Variants in RANBP2 observed in about 807,000 individuals in gnomAD.
The protein encoded by RANBP2 is E3 SUMO-protein ligase RanBP2.
In RANBP2, 57 loss-of-function variants were observed where a neutral mutation model predicts 303.6. That is an observed-to-expected ratio of 0.19 (90% confidence interval 0.15 to 0.23). The LOEUF (loss-of-function observed/expected upper bound fraction) is 0.23. Among genes scored for constraint, RANBP2 ranks in the 10% least tolerant of loss-of-function variants. RANBP2 has a pLI of 1.00. For synonymous variants in RANBP2, 1,167 were observed against 1,301.5 expected, an observed-to-expected ratio of 0.90 and a Z score of 2.23; for missense variants, 3,138 against 3,780.8, an observed-to-expected ratio of 0.83 and a Z score of 4.46.
At chr2:108,774,111 A>G (rs546720853) in intron 23 of RANBP2, among the ~76,000 whole-genome samples, 1 of 152,314 alleles carries the variant, frequency 6.6e-6, no homozygotes, top group South Asian at 2.1e-4. Flanking sequence ...ATTTTTATTA[A>G]ATCTGTGAAT....
chr2:109,610,959 T>A, the RANBP2 span, among the ~76,000 whole-genome samples: 1 of 152,166 alleles, frequency 6.6e-6, no homozygotes, highest in Admixed American at 6.5e-5. Context: ...TCTACCTTAT[T>A]TCAGACTTAC....
At chr2:109,564,050 A>G in the RANBP2 span, among the ~76,000 whole-genome samples, 5 of 152,226 alleles carry the variant, frequency 3.3e-5, no homozygotes, top group Non-Finnish European at 7.3e-5. Flanking sequence ...GATAAATACA[A>G]AAAGAAATCA....
the RANBP2 span, among the ~76,000 whole-genome samples, chr2:109,454,342 C>T: frequency 3.9e-4 from 60 of 152,280 alleles, no homozygotes; most frequent in African/African-American, 1.4e-3. Flanking sequence ...TGGGGTGACC[C>T]GAACCTTCAC....
chr2:109,358,177 T>C, the RANBP2 span, among the ~76,000 whole-genome samples: 1 of 152,246 alleles, frequency 6.6e-6, no homozygotes, highest in African/African-American at 2.4e-5. Context: ...TTGCCTTCAC[T>C]TAGCAATTTG....
At chr2:109,680,401 AAG>A in the RANBP2 span, among the ~76,000 whole-genome samples, 1 of 151,688 alleles carries the variant, frequency 6.6e-6, no homozygotes, top group Non-Finnish European at 1.5e-5. Context: ...AATTTAAAAA[AAG>A]ATAATAAAAT....
At chr2:109,671,580 G>C in the RANBP2 span, among the ~76,000 whole-genome samples, 1 of 152,214 alleles carries the variant, frequency 6.6e-6, no homozygotes, top group Non-Finnish European at 1.5e-5. Flanking sequence ...CCCTCCTCCT[G>C]CTGGTGCCTG....
chr2:108,960,204 C>T, the RANBP2 span, among the ~76,000 whole-genome samples: 3 of 152,268 alleles, frequency 2.0e-5, 1 homozygote, highest in Admixed American at 6.5e-5. Flanking sequence ...CAGTTCTCCC[C>T]GGGGCTGCAG....
rs144228321 is a variant in RANBP2 at position 108,778,237 on chromosome 2, G to A, written c.8599+1006G>A. On this transcript the variant is annotated intron_variant, in intron 25 of 28. Transcript: ENST00000283195. ...GAAAAGTAGGCAGTACTCACATATC[G>A]GGAGGAAACCATGCCTAAATAAGCC... 1.7e-3 allele frequency among the ~76,000 whole-genome samples: 257 copies of A among 152,232 alleles called. 3 individuals are homozygous for A. The East Asian group carries it at 0.023, about 13-fold the overall frequency.
At chr2:109,223,527 C>T in the RANBP2 span, among the ~76,000 whole-genome samples, 2 of 152,180 alleles carry the variant, frequency 1.3e-5, no homozygotes, top group African/African-American at 4.8e-5. Context: ...AGAATGGAAG[C>T]GTAGGAAGGG....
the RANBP2 span, among the ~76,000 whole-genome samples, chr2:109,424,546 C>G: frequency 3.9e-5 from 6 of 152,218 alleles, no homozygotes; most frequent in East Asian, 1.9e-4. Context: ...CATTTTCCAA[C>G]AGCATGTGCT....
chr2:109,686,245 C>T, the RANBP2 span, among the ~76,000 whole-genome samples: 4 of 152,206 alleles, frequency 2.6e-5, no homozygotes, highest in East Asian at 5.8e-4. Flanking sequence ...GGAAGTTCTA[C>T]GGGAGGCTGG....
chr2:109,693,332 C>T, the RANBP2 span, among the ~76,000 whole-genome samples: 5 of 152,160 alleles, frequency 3.3e-5, no homozygotes, highest in South Asian at 8.3e-4. Flanking sequence ...GCCACCATGC[C>T]CAGCTGTTTT....
the RANBP2 span, among the ~76,000 whole-genome samples, chr2:109,534,769 CAA>C: frequency 1.3e-3 from 168 of 126,128 alleles, no homozygotes; most frequent in African/African-American, 4.5e-3. Flanking sequence ...AACTCAGTCT[CAA>C]AAAAAAAAAA....
the RANBP2 span, among the ~76,000 whole-genome samples, chr2:109,081,980 C>G: frequency 6.6e-6 from 1 of 152,212 alleles, no homozygotes; most frequent in Non-Finnish European, 1.5e-5. Flanking sequence ...ATTTCTGCAT[C>G]CTGGCTTTGT....
the RANBP2 span, among the ~76,000 whole-genome samples, chr2:109,090,308 C>CCCCACA: frequency 7.5e-6 from 1 of 132,732 alleles, no homozygotes; most frequent in African/African-American, 2.9e-5. Context: ...GGACACCTCG[C>CCCCACA]CTCACACACA....
At chr2:108,996,099 A>G in the RANBP2 span, among the ~76,000 whole-genome samples, 500 of 152,314 alleles carry the variant, frequency 3.3e-3, 5 homozygotes, top group African/African-American at 0.012. Context: ...TCATAGTATA[A>G]AATGATTCCC....
the RANBP2 span, among the ~76,000 whole-genome samples, chr2:109,739,118 A>G: frequency 7.7e-6 from 1 of 129,730 alleles, no homozygotes; most frequent in African/African-American, 3.1e-5. Flanking sequence ...GTCTATGTAC[A>G]TGGTTTTATC....
the RANBP2 span, among the ~76,000 whole-genome samples, chr2:109,145,771 G>C: frequency 6.6e-6 from 1 of 152,348 alleles, no homozygotes; most frequent in African/African-American, 2.4e-5. Flanking sequence ...GAACCCAGGA[G>C]CAGTATTGGT....
chr2:108,805,566 A>C, the RANBP2 span, among the ~76,000 whole-genome samples: 1 of 52,876 alleles, frequency 1.9e-5, no homozygotes, highest in East Asian at 1.9e-3. Flanking sequence ...TCTACCAAAA[A>C]TACAAAAAAA....
Sources: gnomAD v4.1 joint callset for allele counts (sites outside exome capture counted in the v4.1 genomes callset) on GRCh38, gnomAD v4.1.1 for gene constraint, MANE v1.5 for transcripts, NCBI Gene and HGNC (gene_info 2026-07-23, HGNC 2026-07-21) for gene names.